RAB3IL1: variants seen among roughly 807,000 people sequenced by gnomAD.
RAB3IL1 encodes guanine nucleotide exchange factor for Rab-3A.
In RAB3IL1, 37 loss-of-function variants were observed where a neutral mutation model predicts 49.2. That is an observed-to-expected ratio of 0.75 (90% confidence interval 0.58 to 0.99). RAB3IL1 has a LOEUF of 0.99. RAB3IL1 is among the 50% of genes least tolerant of loss of function. RAB3IL1 has a pLI of 0.00. For synonymous variants in RAB3IL1, 193 were observed against 213.9 expected (o/e 0.90, Z 0.85); for missense variants, 484 against 513.0 (o/e 0.94, Z 0.55).
At chr11:61,931,015 T>C in the RAB3IL1 span, among the ~76,000 whole-genome samples, 1 of 152,148 alleles carries the variant, frequency 6.6e-6, no homozygotes, top group Non-Finnish European at 1.5e-5. Flanking sequence ...AACAAATGTC[T>C]CTGAACTACG....
chr11:61,941,476 G>C, the RAB3IL1 span, among the ~76,000 whole-genome samples: 1 of 152,224 alleles, frequency 6.6e-6, no homozygotes, highest in Non-Finnish European at 1.5e-5. Context: ...GACCAGGCTG[G>C]GCGTGGTGGC....
chr11:61,908,340 G>T (rs1167030925), intron 1 of RAB3IL1, 34 bp from the exon 2 acceptor site: 10 of 1,433,124 alleles, frequency 7.0e-6, no homozygotes, highest in Non-Finnish European at 9.1e-6. Context: ...CAGGTTCAGG[G>T]TGGGGTCCTG....
At chr11:61,929,937 G>T in the RAB3IL1 span, among the ~76,000 whole-genome samples, 1 of 117,150 alleles carries the variant, frequency 8.5e-6, no homozygotes, top group Non-Finnish European at 1.6e-5. Context: ...TTGTTGCCCA[G>T]GCTGGTGTGC....
At chr11:61,930,198 G>A in the RAB3IL1 span, among the ~76,000 whole-genome samples, 4 of 152,038 alleles carry the variant, frequency 2.6e-5, no homozygotes, top group Non-Finnish European at 5.9e-5. Context: ...TCCCAGCCAA[G>A]CATAGACTTA....
intron 1 of RAB3IL1, among the ~76,000 whole-genome samples, chr11:61,911,237 G>A (rs1162872635): frequency 6.6e-6 from 1 of 152,168 alleles, no homozygotes; most frequent in African/African-American, 2.4e-5. Context: ...AAATCCCAAT[G>A]GCAAGAAGTG....
chr11:61,925,043 G>A (rs1422836061), upstream of RAB3IL1, among the ~76,000 whole-genome samples: 1 of 152,214 alleles, frequency 6.6e-6, no homozygotes, highest in African/African-American at 2.4e-5. Context: ...GGGTGAACTG[G>A]AGACTGTGCT....
chr11:61,908,953 C>T (rs1187031554), intron 1 of RAB3IL1, among the ~76,000 whole-genome samples: 2 of 152,318 alleles, frequency 1.3e-5, no homozygotes, highest in East Asian at 3.9e-4. Flanking sequence ...AGGCAAACAC[C>T]CCCTTCTCTG....
intron 1 of RAB3IL1, among the ~76,000 whole-genome samples, chr11:61,909,863 T>G (rs1377184673): frequency 2.6e-5 from 4 of 152,094 alleles, no homozygotes; most frequent in Admixed American, 2.6e-4. Context: ...TCCCAGCACT[T>G]TGGGAGGCTG....
In RAB3IL1 at chr11:61,906,924, AG is replaced by A. The variant is rs1939221849; in HGVS notation, c.439-241del. ...GTCACTCTGTGAGCAGGATTCTGTT[AG>A]GAACAAGTGTCTGGGAGCTGGCTGG... On this transcript the variant is annotated intron_variant, in intron 4 of 9. Transcript: ENST00000394836. The surrounding 1 kb of genome is among the most constrained non-coding windows in gnomAD (Gnocchi z 4.6). Among the ~76,000 whole-genome samples the A allele has an allele frequency of 6.6e-6, 1 of 152,218 alleles. No individual in the cohort carries two copies. The highest frequency in any genetic ancestry group is 2.4e-5 in the African/African-American group (1 of 41,470).
At chr11:61,934,446 G>A in the RAB3IL1 span, among the ~76,000 whole-genome samples, 60 of 24,394 alleles carry the variant, frequency 2.5e-3, 1 homozygote, top group African/African-American at 4.2e-3. Context: ...GTGTGTGTGT[G>A]TATGTATATA....
Position 61,898,479 on chromosome 11 carries a change from G to A in RAB3IL1, c.1067-119C>T. 1 of 810,986 alleles carries A rather than the reference G, an allele frequency of 1.2e-6. No homozygotes were observed. The highest frequency in any genetic ancestry group is 2.1e-6 in the Non-Finnish European group (1 of 486,120). The allele number at this position is 810,986 out of a possible 1,614,324, so 50.2% of individuals were successfully genotyped here. A position where few individuals can be genotyped will look rare whatever the true frequency, so the allele number is the denominator to read the frequency against. On this transcript the variant is annotated intron_variant, in intron 9 of 9. Transcript: ENST00000394836. This position sits in a 1 kb window ranked among gnomAD's most constrained non-coding sequence, Gnocchi z 5.1. ...CTGGCACAGCACCCTAGGGTCCCCGGCCCCCAAAACAGATGACCTCAGTGA... is the reference window on the plus strand; with the variant it reads ...CTGGCACAGCACCCTAGGGTCCCCGACCCCCAAAACAGATGACCTCAGTGA...
the RAB3IL1 span, among the ~76,000 whole-genome samples, chr11:61,935,047 A>T: frequency 6.6e-6 from 1 of 152,218 alleles, no homozygotes; most frequent in Non-Finnish European, 1.5e-5. Context: ...ACATTTAAAT[A>T]TTAAAAATGT....
the RAB3IL1 span, among the ~76,000 whole-genome samples, chr11:61,941,509 T>C: frequency 6.6e-6 from 1 of 152,250 alleles, no homozygotes; most frequent in South Asian, 2.1e-4. Context: ...TCCCAGCAAT[T>C]TGGGAGGCTG....
chr11:61,924,945 C>T (rs769449733), upstream of RAB3IL1, among the ~76,000 whole-genome samples: 1 of 152,202 alleles, frequency 6.6e-6, no homozygotes, highest in Non-Finnish European at 1.5e-5. Context: ...GAGAATCCAT[C>T]AGAAACCTTC....
At chr11:61,936,405 T>C in the RAB3IL1 span, among the ~76,000 whole-genome samples, 1 of 152,194 alleles carries the variant, frequency 6.6e-6, no homozygotes, top group Non-Finnish European at 1.5e-5. Context: ...TCTTGATTTT[T>C]GTTGTTGTTG....
intron 8 of RAB3IL1, among the ~76,000 whole-genome samples, chr11:61,902,179 T>C (rs889429909): frequency 6.6e-6 from 1 of 152,238 alleles, no homozygotes; most frequent in African/African-American, 2.4e-5. Flanking sequence ...CTGGGCGTGG[T>C]GGCACATGCC....
At chr11:61,904,165 G>T (rs1939056169) in intron 7 of RAB3IL1, among the ~76,000 whole-genome samples, 1 of 151,926 alleles carries the variant, frequency 6.6e-6, no homozygotes. Context: ...CCCAATTTCT[G>T]CCCCTTGCTC....
chr11:61,913,437 G>T (rs1028312162), intron 1 of RAB3IL1, among the ~76,000 whole-genome samples: 1 of 152,130 alleles, frequency 6.6e-6, no homozygotes, highest in African/African-American at 2.4e-5. Flanking sequence ...GGGGGAGAAG[G>T]TCAGGAACAG....
Position 61,907,547 on chromosome 11 carries a change from C to A in RAB3IL1, c.360+18G>T. 6.2e-7 allele frequency: 1 copy of A among 1,613,872 alleles called. No homozygotes were observed. The highest frequency in any genetic ancestry group is 1.1e-5 in the South Asian group (1 of 91,038). On this transcript the variant is annotated intron_variant, in intron 3 of 9. Coordinates refer to ENST00000394836, the MANE Select transcript of RAB3IL1 (RefSeq NM_013401.4). ...GATGACCCATTCCCCAAGTTGTTCC[C>A]GCGCCCAGCCGGTGTACCTCAAACA...
Sources: gnomAD v4.1 joint callset for allele counts (sites outside exome capture counted in the v4.1 genomes callset) on GRCh38, gnomAD v4.1.1 for gene constraint, Gnocchi (gnomAD v3.1) non-coding constraint, MANE v1.5 for transcripts, NCBI Gene and HGNC (gene_info 2026-07-23, HGNC 2026-07-21) for gene names.